RAB2A: variants seen among roughly 807,000 people sequenced by gnomAD.
The protein encoded by RAB2A is ras-related protein Rab-2A.
Under a neutral mutation model 32.5 loss-of-function variants are expected in RAB2A, and 7 were observed. The ratio of observed to expected loss-of-function variants is 0.22; its 90% CI spans 0.12 to 0.40. RAB2A has a LOEUF of 0.40. RAB2A is among the 10% of genes least tolerant of loss of function. The probability of loss-of-function intolerance (pLI) is 1.00; values close to 1 mark genes in which losing one functional copy is unlikely to be tolerated. For missense variants in RAB2A, 108 were observed against 260.7 expected (o/e 0.41, Z 4.03); for synonymous variants, 79 against 85.2 (o/e 0.93, Z 0.40).
intron 6 of RAB2A, among the ~76,000 whole-genome samples, chr8:60,592,548 TACC>T (rs1803960070): frequency 6.6e-6 from 1 of 152,206 alleles, no homozygotes; most frequent in South Asian, 2.1e-4. Context: ...GTCAATATAT[TACC>T]ACATCACCAC....
chr8:60,545,717 G>C (rs1256054478), intron 1 of RAB2A, among the ~76,000 whole-genome samples: 2 of 152,160 alleles, frequency 1.3e-5, no homozygotes, highest in Non-Finnish European at 2.9e-5. Flanking sequence ...GTAAGGTATT[G>C]GTAGCAACTC....
chr8:60,620,791 G>A lies in RAB2A; in HGVS notation c.*22G>A. 6.3e-7 allele frequency: 1 copy of A among 1,595,326 alleles called. No homozygotes were observed. The highest frequency in any genetic ancestry group is 8.5e-7 in the Non-Finnish European group (1 of 1,170,676). On this transcript the variant is annotated 3_prime_UTR_variant, in exon 8 of 8. Transcript: ENST00000262646. ...TTGAGTCTGTTTTTACTGTCTAGCT[G>A]CCCAACGGGGCCTACTCACTTATTC...
At chr8:60,595,434 A>C (rs1804006418) in intron 6 of RAB2A, among the ~76,000 whole-genome samples, 1 of 152,240 alleles carries the variant, frequency 6.6e-6, no homozygotes, top group African/African-American at 2.4e-5. Context: ...GTCAAAATAC[A>C]CAAATCAAAA....
At chr8:60,548,968 C>T (rs1231637435) in intron 1 of RAB2A, among the ~76,000 whole-genome samples, 4 of 149,712 alleles carry the variant, frequency 2.7e-5, no homozygotes, top group East Asian at 2.0e-4. Flanking sequence ...TCAGACGGGG[C>T]GGCAGGGCAG....
chr8:60,601,707 T>A (rs1453935540), intron 6 of RAB2A, among the ~76,000 whole-genome samples: 1 of 152,216 alleles, frequency 6.6e-6, no homozygotes, highest in Non-Finnish European at 1.5e-5. Context: ...TAATATGGAA[T>A]AAGAAAGTCC....
At chr8:60,564,065 C>T (rs771798865) in intron 2 of RAB2A, among the ~76,000 whole-genome samples, 1 of 152,210 alleles carries the variant, frequency 6.6e-6, no homozygotes, top group Non-Finnish European at 1.5e-5. Flanking sequence ...CTTAGTACTA[C>T]CTGACAATTG....
chr8:60,523,348 G>A (rs928605123), intron 1 of RAB2A, among the ~76,000 whole-genome samples: 2 of 151,366 alleles, frequency 1.3e-5, no homozygotes, highest in Non-Finnish European at 2.9e-5. Flanking sequence ...TAGTGAAGAC[G>A]GGCTTTCACT....
At chr8:60,571,994 G>A (rs761138248) in intron 2 of RAB2A, 52 bp from the exon 3 acceptor site, 28 of 1,319,962 alleles carry the variant, frequency 2.1e-5, no homozygotes, top group Non-Finnish European at 8.6e-6. Context: ...ATCCTTGAAA[G>A]TGAGATATAT....
rs1473309541 is a variant in RAB2A at position 60,525,971 on chromosome 8, CTATATGTCTATATGTA to C, written c.46+8742_46+8757del. ...TATATGTATATATGTATATATATGTCTATATGTCTATATGTATATATGTCTATATGTATATATGTGT... is the reference window on the plus strand; with the variant it reads ...TATATGTATATATGTATATATATGTCTATATGTCTATATGTATATATGTGT... On this transcript the variant is annotated intron_variant, in intron 1 of 7. Transcript: ENST00000262646. Among the ~76,000 whole-genome samples, 15 of 122,484 alleles carry C rather than the reference CTATATGTCTATATGTA, an allele frequency of 1.2e-4. No individual in the cohort carries two copies. The South Asian group carries it at 1.5e-3, about 13-fold the overall frequency. 80.4% of individuals were successfully genotyped at this position (122,484 alleles called of 152,430 possible).
intron 1 of RAB2A, among the ~76,000 whole-genome samples, chr8:60,536,374 A>G (rs747964927): frequency 1.3e-5 from 2 of 152,230 alleles, no homozygotes; most frequent in Non-Finnish European, 2.9e-5. Flanking sequence ...TTTGTATTAT[A>G]ATATACGACT....
intron 1 of RAB2A, among the ~76,000 whole-genome samples, chr8:60,547,705 T>C: frequency 9.1e-6 from 1 of 110,326 alleles, no homozygotes. Flanking sequence ...GCGGGGGGGC[T>C]GACCCCCCCA....
chr8:60,591,666 G>A (rs1563480453), intron 5 of RAB2A, 192 bp from the exon 6 acceptor site: 3 of 406,198 alleles, frequency 7.4e-6, no homozygotes, highest in Admixed American at 3.7e-5. Context: ...CTGTTGGATT[G>A]TTAGTTCTTT....
Position 60,603,207 on chromosome 8 carries a change from T to C in RAB2A, c.474+11238T>C, listed in dbSNP as rs553235405. Among the ~76,000 whole-genome samples, 4 of 152,366 alleles carry C rather than the reference T, an allele frequency of 2.6e-5. No homozygotes were observed. The East Asian group carries it at 7.7e-4, about 29-fold the overall frequency. Reference sequence around the variant, plus strand: ...CCCTCTTAAAAGATTTTTTAGACTATTATTATTTGTTAAGATTAAATATAA... The same window carrying C: ...CCCTCTTAAAAGATTTTTTAGACTACTATTATTTGTTAAGATTAAATATAA... On this transcript the variant is annotated intron_variant, in intron 6 of 7. Transcript: ENST00000262646.
chr8:60,573,980 G>A (rs1204985028), intron 3 of RAB2A, among the ~76,000 whole-genome samples: 1 of 152,198 alleles, frequency 6.6e-6, no homozygotes, highest in Non-Finnish European at 1.5e-5. Flanking sequence ...ACTGATTTAC[G>A]TAAACTAAGT....
At chr8:60,533,026 C>G (rs895845601) in intron 1 of RAB2A, among the ~76,000 whole-genome samples, 4 of 152,142 alleles carry the variant, frequency 2.6e-5, no homozygotes, top group Non-Finnish European at 5.9e-5. Context: ...GAATGATTGG[C>G]CAAATTTTAG....
chr8:60,517,697 C>G (rs916745763), intron 1 of RAB2A, among the ~76,000 whole-genome samples: 5 of 152,186 alleles, frequency 3.3e-5, no homozygotes, highest in Non-Finnish European at 5.9e-5. Flanking sequence ...GTCCAACCTT[C>G]CTCCACCAGC....
intron 1 of RAB2A, among the ~76,000 whole-genome samples, chr8:60,518,898 ATC>A: frequency 6.6e-6 from 1 of 152,316 alleles, no homozygotes; most frequent in Non-Finnish European, 1.5e-5. Context: ...GCATTTGGCT[ATC>A]TCATTAGTGG....
rs534066221 is a variant in RAB2A, at chr8:60,611,860, G to A, written c.475-6720G>A. 2.0e-5 allele frequency among the ~76,000 whole-genome samples: 3 copies of A among 152,264 alleles called. No individual in the cohort carries two copies. In the East Asian group the frequency reaches 5.8e-4, roughly 29 times the overall value. On this transcript the variant is annotated intron_variant, in intron 6 of 7. Coordinates refer to ENST00000262646, the MANE Select transcript of RAB2A (RefSeq NM_002865.3). ...ACTCAGTACTGAAGAGTAAAATGCT[G>A]CAATATTTATGATTTTTAAAACTAT...
intron 6 of RAB2A, among the ~76,000 whole-genome samples, chr8:60,598,482 C>G (rs748178561): frequency 5.3e-5 from 8 of 152,004 alleles, no homozygotes; most frequent in Non-Finnish European, 1.0e-4. Context: ...AATATATAAG[C>G]AAAACTCCTC....
Sources: allele counts gnomAD v4.1 joint callset (sites outside exome capture counted in the v4.1 genomes callset), GRCh38; gene constraint gnomAD v4.1.1; transcripts MANE v1.5; gene names NCBI Gene and HGNC (gene_info 2026-07-23, HGNC 2026-07-21).